ARL15: variants seen among roughly 807,000 people sequenced by gnomAD.
ARL15 encodes the protein ARF like GTPase 15.
ARL15 carries 19 observed loss-of-function variants against 25.2 expected under a neutral mutation model. The observed-to-expected ratio is 0.75, with a 90% CI of 0.53 to 1.10. The LOEUF (loss-of-function observed/expected upper bound fraction) is 1.10, where lower values mean the gene tolerates loss of function less well. Among genes scored for constraint, ARL15 ranks in the 50% least tolerant of loss-of-function variants. The probability of loss-of-function intolerance (pLI) is 0.00; values close to 1 mark genes in which losing one functional copy is unlikely to be tolerated. For missense variants in ARL15, 220 were observed against 246.0 expected (o/e 0.89, Z 0.71); for synonymous variants, 94 against 86.8 (o/e 1.08, Z -0.46).
At chr5:54,134,806 A>G (rs907922039) in intron 3 of ARL15, among the ~76,000 whole-genome samples, 4 of 151,928 alleles carry the variant, frequency 2.6e-5, no homozygotes, top group African/African-American at 9.6e-5. Context: ...GATGGTCTCA[A>G]TCTCTTGACA....
chr5:53,894,968 T>C (rs748213139), intron 4 of ARL15, among the ~76,000 whole-genome samples: 1 of 152,176 alleles, frequency 6.6e-6, no homozygotes, highest in Non-Finnish European at 1.5e-5. Flanking sequence ...TTATTAGAAC[T>C]CAGCATGCTC....
rs1420453581 is a variant in ARL15, at chr5:54,155,804, T to C, written c.194-1165A>G. The stretch of plus-strand genomic sequence containing the variant: ...AGGAAAACTGGGAATCTGGAAATTT[T>C]AAATAGGAGGAAGATTCTTTTGTTT... On this transcript the variant is annotated intron_variant, in intron 2 of 4. Coordinates refer to ENST00000504924, the MANE Select transcript of ARL15 (RefSeq NM_019087.3). Among the ~76,000 whole-genome samples, 3 of 152,122 alleles carry C rather than the reference T, an allele frequency of 2.0e-5. No homozygotes were observed. In the East Asian group the frequency reaches 5.8e-4, roughly 29 times the overall value.
At chr5:54,177,645 A>G (rs910798223) in intron 1 of ARL15, among the ~76,000 whole-genome samples, 1 of 152,156 alleles carries the variant, frequency 6.6e-6, no homozygotes, top group African/African-American at 2.4e-5. Flanking sequence ...ATAACCCCTC[A>G]TGTCAACATT....
chr5:54,272,920 G>C (rs910966255), intron 1 of ARL15, among the ~76,000 whole-genome samples: 1 of 152,150 alleles, frequency 6.6e-6, no homozygotes, highest in Non-Finnish European at 1.5e-5. Context: ...AGACCTCTGA[G>C]ACACAGAAGA....
At chr5:54,092,438 T>C (rs1206147699) in intron 4 of ARL15, among the ~76,000 whole-genome samples, 1 of 152,106 alleles carries the variant, frequency 6.6e-6, no homozygotes, top group Admixed American at 6.5e-5. Context: ...TGACCAAGCA[T>C]GGAATGTACA....
intron 4 of ARL15, among the ~76,000 whole-genome samples, chr5:53,982,214 G>C (rs1748143815): frequency 6.7e-6 from 1 of 150,316 alleles, no homozygotes; most frequent in Admixed American, 6.7e-5. Flanking sequence ...TAAGTTCTGG[G>C]ATACATACAT....
chr5:54,196,570 A>G (rs971915098), intron 1 of ARL15, among the ~76,000 whole-genome samples: 1 of 151,300 alleles, frequency 6.6e-6, no homozygotes, highest in African/African-American at 2.5e-5. Flanking sequence ...AGTGGTAATA[A>G]CAATAATTAT....
chr5:54,040,653 G>T (rs1213991312), intron 4 of ARL15, among the ~76,000 whole-genome samples: 1 of 152,094 alleles, frequency 6.6e-6, no homozygotes, highest in Non-Finnish European at 1.5e-5. Context: ...ATGTCCAACA[G>T]AGTTTCAGTG....
At chr5:54,158,842 T>C (rs982938813) in intron 2 of ARL15, among the ~76,000 whole-genome samples, 1 of 152,160 alleles carries the variant, frequency 6.6e-6, no homozygotes, top group Non-Finnish European at 1.5e-5. Flanking sequence ...CACTGCACTT[T>C]AGCTTAGGTG....
rs116013195 is a variant in ARL15 at position 54,213,456 on chromosome 5, G to A, written c.49-41528C>T. 5.7e-3 allele frequency among the ~76,000 whole-genome samples: 870 copies of A among 152,252 alleles called. 14 individuals carry two copies. Among genetic ancestry groups the A allele is most frequent in the African/African-American group, 0.019 (772 of 41,548 alleles). On this transcript the variant is annotated intron_variant, in intron 1 of 4. Coordinates refer to ENST00000504924, the MANE Select transcript of ARL15 (RefSeq NM_019087.3). ...TTTTGAGATGCTCTCTCAAATAACC[G>A]CCCTTTTAACAATGCACTGGAAATT...
At chr5:54,091,955 G>A (rs1400901994) in intron 4 of ARL15, among the ~76,000 whole-genome samples, 2 of 151,966 alleles carry the variant, frequency 1.3e-5, no homozygotes, top group African/African-American at 4.8e-5. Context: ...TCTGGAAAAT[G>A]AGACATCCCA....
intron 4 of ARL15, among the ~76,000 whole-genome samples, chr5:53,897,852 G>A (rs10052682): frequency 6.1e-4 from 92 of 152,058 alleles, no homozygotes; most frequent in Admixed American, 2.0e-3. Flanking sequence ...GGGTGCTGAC[G>A]GCCACACAGT....
intron 3 of ARL15, among the ~76,000 whole-genome samples, chr5:54,144,309 G>A (rs916333835): frequency 2.6e-5 from 4 of 151,806 alleles, no homozygotes; most frequent in Middle Eastern, 3.2e-3. Flanking sequence ...TAGAACTTCT[G>A]TAACTATTCT....
chr5:54,304,680 A>C (rs1185162647), intron 1 of ARL15, among the ~76,000 whole-genome samples: 2 of 152,144 alleles, frequency 1.3e-5, no homozygotes, highest in Admixed American at 6.5e-5. Flanking sequence ...GTGCTCAGAT[A>C]ATTTTTATCT....
At chr5:54,074,390 A>G (rs956293915) in intron 4 of ARL15, among the ~76,000 whole-genome samples, 18 of 152,348 alleles carry the variant, frequency 1.2e-4, no homozygotes, top group African/African-American at 3.6e-4. Context: ...ACAGACTGGG[A>G]CTAATAAAGT....
At chr5:54,238,434 G>C (rs1285677925) in intron 1 of ARL15, among the ~76,000 whole-genome samples, 2 of 152,182 alleles carry the variant, frequency 1.3e-5, no homozygotes, top group African/African-American at 4.8e-5. Context: ...CCGACGGTGA[G>C]TGAAACCTTC....
intron 4 of ARL15, among the ~76,000 whole-genome samples, chr5:54,080,410 T>C (rs1044483147): frequency 4.6e-5 from 7 of 152,230 alleles, no homozygotes; most frequent in Non-Finnish European, 1.0e-4. Flanking sequence ...TCTTCAAAGA[T>C]GCCTTTGGGG....
chr5:54,048,954 G>A (rs1750621013), intron 4 of ARL15, among the ~76,000 whole-genome samples: 1 of 152,180 alleles, frequency 6.6e-6, no homozygotes, highest in South Asian at 2.1e-4. Context: ...CCCATAGTGG[G>A]TACAGTGGGT....
chr5:53,945,490 C>T (rs1746696300), intron 4 of ARL15, among the ~76,000 whole-genome samples: 1 of 152,108 alleles, frequency 6.6e-6, no homozygotes, highest in Non-Finnish European at 1.5e-5. Flanking sequence ...TGCTTTGCTC[C>T]ACTTTCTCAA....
Sources: allele counts gnomAD v4.1 joint callset (sites outside exome capture counted in the v4.1 genomes callset), GRCh38; gene constraint gnomAD v4.1.1; transcripts MANE v1.5; gene names NCBI Gene and HGNC (gene_info 2026-07-23, HGNC 2026-07-21).